Variants in USH2A observed in about 807,000 individuals in gnomAD.
USH2A encodes the protein Usher syndrome 2A (autosomal recessive, mild).
Under a neutral mutation model 538.9 loss-of-function variants are expected in USH2A, and 443 were observed. The observed-to-expected ratio is 0.82, with a 90% CI of 0.76 to 0.89. The LOEUF is 0.89. Among genes scored for constraint, USH2A ranks in the 40% least tolerant of loss-of-function variants. The pLI, the probability that USH2A is intolerant of heterozygous loss-of-function variation, is 0.00. For synonymous variants in USH2A, 2,413 were observed against 2,273.5 expected (o/e 1.06, Z -1.75); for missense variants, 6,633 against 6,324.8 (o/e 1.05, Z -1.65).
chr1:216,391,609 T>G (rs763294557), intron 3 of USH2A, among the ~76,000 whole-genome samples: 3 of 152,208 alleles, frequency 2.0e-5, no homozygotes, highest in African/African-American at 4.8e-5. Flanking sequence ...CTAGTACATC[T>G]TAATAAATAA....
rs144045111 is a variant in USH2A at position 215,803,926 on chromosome 1, C to T, written c.9740-4801G>A. Among the ~76,000 whole-genome samples the T allele has an allele frequency of 8.6e-3, 1,311 of 152,158 alleles. 17 individuals carry two copies. The highest frequency in any genetic ancestry group is 0.03 in the African/African-American group (1,249 of 41,502). ...AACCAAAACAGCATGGTACTGGTAC[C>T]AAAACAGAGATATAAACCAAAGGAA... On this transcript the variant is annotated intron_variant, in intron 49 of 71. Coordinates refer to ENST00000307340, the MANE Select transcript of USH2A (RefSeq NM_206933.4).
intron 47 of USH2A, among the ~76,000 whole-genome samples, chr1:215,829,778 T>C (rs949923093): frequency 1.1e-4 from 16 of 152,234 alleles, no homozygotes; most frequent in African/African-American, 3.9e-4. Flanking sequence ...ACTCTGCTAC[T>C]ATGGATCATT....
At chr1:216,000,183 T>A (rs1668233438) in intron 33 of USH2A, among the ~76,000 whole-genome samples, 1 of 152,196 alleles carries the variant, frequency 6.6e-6, no homozygotes, top group Non-Finnish European at 1.5e-5. Context: ...GAAGTTTGCA[T>A]GGAATCTGTG....
At chr1:215,774,317 A>C (rs1392662181) in intron 55 of USH2A, among the ~76,000 whole-genome samples, 1 of 151,814 alleles carries the variant, frequency 6.6e-6, no homozygotes, top group Non-Finnish European at 1.5e-5. Context: ...TGATCCCAAG[A>C]CGCCTTTCCT....
intron 4 of USH2A, among the ~76,000 whole-genome samples, chr1:216,335,902 G>A (rs2102671332): frequency 6.6e-6 from 1 of 151,574 alleles, no homozygotes; most frequent in South Asian, 2.1e-4. Flanking sequence ...AGAAGAGGAA[G>A]AAACACTCTC....
At chr1:216,347,820 A>G (rs1183072092) in intron 4 of USH2A, among the ~76,000 whole-genome samples, 4 of 152,168 alleles carry the variant, frequency 2.6e-5, no homozygotes, top group Non-Finnish European at 5.9e-5. Flanking sequence ...GTAAGTTTAG[A>G]GTCAGCTATA....
intron 21 of USH2A, among the ~76,000 whole-genome samples, chr1:216,125,967 A>G (rs1438993375): frequency 6.6e-6 from 1 of 152,218 alleles, no homozygotes; most frequent in African/African-American, 2.4e-5. Context: ...CAAAGAGCAT[A>G]TGATGTGTTG....
intron 38 of USH2A, among the ~76,000 whole-genome samples, chr1:215,911,721 G>A (rs1242983588): frequency 6.6e-6 from 1 of 152,032 alleles, no homozygotes; most frequent in African/African-American, 2.4e-5. Flanking sequence ...TTGGGTGTAT[G>A]CCCAGCAATG....
intron 69 of USH2A, among the ~76,000 whole-genome samples, chr1:215,635,909 G>T (rs1656466711): frequency 6.6e-6 from 1 of 151,586 alleles, no homozygotes; most frequent in Non-Finnish European, 1.5e-5. Flanking sequence ...CAAGAATCAT[G>T]CAGGATAGGC....
intron 38 of USH2A, among the ~76,000 whole-genome samples, chr1:215,924,046 T>A (rs978168684): frequency 1.3e-5 from 2 of 151,768 alleles, no homozygotes; most frequent in Admixed American, 1.3e-4. Context: ...ATCTTCCCCA[T>A]CTAGTAGATA....
intron 14 of USH2A, among the ~76,000 whole-genome samples, chr1:216,225,734 T>C (rs540734994): frequency 7.7e-4 from 117 of 152,320 alleles, no homozygotes; most frequent in African/African-American, 2.7e-3. Context: ...TTTGAAGTTT[T>C]ACGTCTTTTT....
intron 13 of USH2A, among the ~76,000 whole-genome samples, chr1:216,245,870 A>C (rs1428685228): frequency 6.6e-6 from 1 of 152,214 alleles, no homozygotes; most frequent in Non-Finnish European, 1.5e-5. Flanking sequence ...TATAACTCAG[A>C]GCTAATATTG....
chr1:215,641,461 C>G (rs1656683057), intron 67 of USH2A, among the ~76,000 whole-genome samples: 1 of 152,180 alleles, frequency 6.6e-6, no homozygotes, highest in Non-Finnish European at 1.5e-5. Context: ...TTCACAGGCA[C>G]ATTCTCTTGA....
intron 44 of USH2A, among the ~76,000 whole-genome samples, chr1:215,853,846 C>T (rs185546500): frequency 6.6e-6 from 1 of 152,306 alleles, no homozygotes; most frequent in East Asian, 1.9e-4. Context: ...GACTGGATTT[C>T]ATTGTCCACA....
chr1:216,223,521 T>C (rs1391237588), intron 14 of USH2A, among the ~76,000 whole-genome samples: 1 of 152,176 alleles, frequency 6.6e-6, no homozygotes, highest in Non-Finnish European at 1.5e-5. Flanking sequence ...GTGCCTTGCT[T>C]TGGCCAGTAG....
chr1:215,990,559 T>C (rs897907327), intron 35 of USH2A, among the ~76,000 whole-genome samples: 4 of 152,138 alleles, frequency 2.6e-5, no homozygotes, highest in Non-Finnish European at 5.9e-5. Flanking sequence ...CAAATAACTT[T>C]AAGCACAGGC....
At chr1:216,422,749 C>T (rs990567779) in intron 1 of USH2A, among the ~76,000 whole-genome samples, 5 of 151,866 alleles carry the variant, frequency 3.3e-5, no homozygotes, top group African/African-American at 9.7e-5. Context: ...TATAAGTCCA[C>T]AGGACAACCA....
At chr1:215,715,171 T>C (rs1659449291) in intron 61 of USH2A, among the ~76,000 whole-genome samples, 2 of 152,152 alleles carry the variant, frequency 1.3e-5, no homozygotes, top group African/African-American at 4.8e-5. Context: ...CCAGTGTGGG[T>C]TGTTCCCCTC....
chr1:215,819,151 A>G (rs985491917), intron 47 of USH2A, among the ~76,000 whole-genome samples: 2 of 151,900 alleles, frequency 1.3e-5, no homozygotes, highest in African/African-American at 2.4e-5. Flanking sequence ...AAGCAAGCAC[A>G]TAAGAACCTT....
Sources: allele counts gnomAD v4.1 joint callset (sites outside exome capture counted in the v4.1 genomes callset), GRCh38; gene constraint gnomAD v4.1.1; transcripts MANE v1.5; gene names NCBI Gene and HGNC (gene_info 2026-07-23, HGNC 2026-07-21).